Variants in CIMIP5 observed in about 807,000 individuals in gnomAD.
CIMIP5 encodes the protein uncharacterized protein C2orf50.
the CIMIP5 span, among the ~76,000 whole-genome samples, chr2:11,150,992 C>T: frequency 6.6e-6 from 1 of 152,160 alleles, no homozygotes; most frequent in East Asian, 1.9e-4. Flanking sequence ...CCTCTGCTCA[C>T]CTGAGAGAAA....
chr2:11,143,951 A>T, the CIMIP5 span: 270 of 1,600,982 alleles, frequency 1.7e-4, no homozygotes, highest in Non-Finnish European at 2.2e-4. Context: ...AAGTTGCCAG[A>T]CCATGTGCCT....
the CIMIP5 span, chr2:11,140,600 A>T: frequency 7.3e-7 from 1 of 1,372,682 alleles, no homozygotes; most frequent in East Asian, 2.4e-5. Flanking sequence ...AATATTACTC[A>T]TTCTTTCCAT....
the CIMIP5 span, among the ~76,000 whole-genome samples, chr2:11,143,528 G>A: frequency 0.18 from 25,896 of 146,822 alleles, 6,535 homozygotes; most frequent in African/African-American, 0.57. Context: ...TGGCTTGTGC[G>A]TTTTCTGTGT....
chr2:11,145,344 TG>T, the CIMIP5 span: 1 of 152,216 alleles, frequency 6.6e-6, no homozygotes. Flanking sequence ...TTGACCAGGC[TG>T]GTCTTGAACT....
At chr2:11,135,599 T>G in the CIMIP5 span, among the ~76,000 whole-genome samples, 1 of 151,900 alleles carries the variant, frequency 6.6e-6, no homozygotes, top group Non-Finnish European at 1.5e-5. Context: ...CCTGGCTAAT[T>G]TTTGTATTTT....
chr2:11,153,924 C>CA, the CIMIP5 span, among the ~76,000 whole-genome samples: 35,985 of 139,208 alleles, frequency 0.26, 4,680 homozygotes, highest in East Asian at 0.47. Context: ...AACTCCGTCT[C>CA]AAAAAAAAAA....
the CIMIP5 span, among the ~76,000 whole-genome samples, chr2:11,150,567 G>A: frequency 6.6e-6 from 1 of 150,902 alleles, no homozygotes; most frequent in Non-Finnish European, 1.5e-5. Flanking sequence ...CTTGACCTCA[G>A]GTGATCTGCC....
the CIMIP5 span, among the ~76,000 whole-genome samples, chr2:11,148,054 G>C: frequency 2.0e-5 from 3 of 152,186 alleles, no homozygotes; most frequent in Middle Eastern, 3.4e-3. Context: ...AGACAGCAGG[G>C]CTTCAGGAAA....
At chr2:11,140,283 G>C in the CIMIP5 span, among the ~76,000 whole-genome samples, 1 of 151,190 alleles carries the variant, frequency 6.6e-6, no homozygotes. Flanking sequence ...GCTGAGGCAG[G>C]AGAATGGCGT....
At chr2:11,144,516 T>C in the CIMIP5 span, 5 of 158,958 alleles carry the variant, frequency 3.1e-5, no homozygotes, top group Non-Finnish European at 6.9e-5. Flanking sequence ...GTTCACTCCT[T>C]GCAGCTGCTG....
At chr2:11,133,596 G>A in the CIMIP5 span, 205 of 1,581,750 alleles carry the variant, frequency 1.3e-4, no homozygotes, top group Middle Eastern at 2.2e-4. Flanking sequence ...GCGCTGGTGA[G>A]TACCTGCCCT....
At chr2:11,146,507 C>T in the CIMIP5 span, 4 of 152,356 alleles carry the variant, frequency 2.6e-5, no homozygotes, top group East Asian at 7.7e-4. Context: ...ATCCCTACTA[C>T]CATCAAGAAT....
chr2:11,141,899 C>T, the CIMIP5 span, among the ~76,000 whole-genome samples: 1 of 152,144 alleles, frequency 6.6e-6, no homozygotes, highest in Admixed American at 6.5e-5. Flanking sequence ...CCCCATCCCC[C>T]AGAGACCATA....
chr2:11,150,327 T>C, the CIMIP5 span, among the ~76,000 whole-genome samples: 1 of 92,014 alleles, frequency 1.1e-5, no homozygotes, highest in Admixed American at 1.3e-4. Flanking sequence ...AATTTGTGTT[T>C]AGGATTTTTT....
chr2:11,149,646 G>A, the CIMIP5 span, among the ~76,000 whole-genome samples: 1 of 152,076 alleles, frequency 6.6e-6, no homozygotes, highest in Non-Finnish European at 1.5e-5. Flanking sequence ...AGTCAAGGCT[G>A]CAGTGATTTA....
the CIMIP5 span, chr2:11,143,831 G>C: frequency 2.6e-6 from 3 of 1,139,816 alleles, no homozygotes; most frequent in Non-Finnish European, 3.6e-6. Flanking sequence ...TTCACAAAGA[G>C]AGGCAGCTGC....
the CIMIP5 span, chr2:11,146,587 C>T: frequency 6.6e-6 from 1 of 152,298 alleles, no homozygotes. Flanking sequence ...CCCTGTGTTT[C>T]ATGCCATACC....
chr2:11,151,848 G>T, the CIMIP5 span, among the ~76,000 whole-genome samples: 9 of 152,222 alleles, frequency 5.9e-5, no homozygotes, highest in East Asian at 1.5e-3. Context: ...TGGCCAGGCT[G>T]GTCTCTTACT....
the CIMIP5 span, among the ~76,000 whole-genome samples, chr2:11,135,206 A>G: frequency 6.6e-6 from 1 of 152,172 alleles, no homozygotes; most frequent in African/African-American, 2.4e-5. Flanking sequence ...GAGAACAAAC[A>G]TTCAAACCAT....
Sources: gnomAD v4.1 joint callset for allele counts (sites outside exome capture counted in the v4.1 genomes callset) on GRCh38, gnomAD v4.1.1 for gene constraint, MANE v1.5 for transcripts, NCBI Gene and HGNC (gene_info 2026-07-23, HGNC 2026-07-21) for gene names.